CNTNAP5: variants seen among roughly 807,000 people sequenced by gnomAD.
The protein encoded by CNTNAP5 is contactin-associated protein-like 5.
A neutral mutation model predicts 150.2 loss-of-function variants in CNTNAP5; 72 were observed. The observed-to-expected ratio is 0.48, with a 90% CI of 0.40 to 0.58. The LOEUF (loss-of-function observed/expected upper bound fraction) is 0.58, where lower values mean the gene tolerates loss of function less well. Among genes scored for constraint, CNTNAP5 ranks in the 20% least tolerant of loss-of-function variants. CNTNAP5 has a pLI of 0.00. For missense variants in CNTNAP5, 1,636 were observed against 1,626.2 expected (o/e 1.01, Z -0.10); for synonymous variants, 672 against 619.8 (o/e 1.08, Z -1.25).
intron 19 of CNTNAP5, among the ~76,000 whole-genome samples, chr2:124,831,933 A>C (rs1438708314): frequency 6.6e-6 from 1 of 152,084 alleles, no homozygotes; most frequent in South Asian, 2.1e-4. Context: ...TCAAGTGTTT[A>C]CCTAAGTAAG....
intron 3 of CNTNAP5, among the ~76,000 whole-genome samples, chr2:124,400,498 T>A (rs930654847): frequency 2.6e-5 from 4 of 152,154 alleles, no homozygotes; most frequent in Admixed American, 2.6e-4. Flanking sequence ...ATACCTGAGT[T>A]AGCCTCTCCC....
At chr2:124,864,610 ACTT>A (rs2104719476) in intron 19 of CNTNAP5, among the ~76,000 whole-genome samples, 1 of 150,824 alleles carries the variant, frequency 6.6e-6, no homozygotes, top group Non-Finnish European at 1.5e-5. Context: ...GAATTGATAC[ACTT>A]CTATTTTTAA....
chr2:124,482,748 C>G (rs1003378775), intron 7 of CNTNAP5, among the ~76,000 whole-genome samples: 6 of 152,164 alleles, frequency 3.9e-5, no homozygotes, highest in Non-Finnish European at 8.8e-5. Context: ...TGGCTCCCAG[C>G]GGCTCCTGTC....
intron 6 of CNTNAP5, among the ~76,000 whole-genome samples, chr2:124,459,477 G>C (rs1693197610): frequency 6.6e-6 from 1 of 152,224 alleles, no homozygotes; most frequent in Admixed American, 6.5e-5. Context: ...GGCCAGGTGT[G>C]TTGGCTCATG....
At chr2:124,485,888 T>C (rs1693869462) in intron 7 of CNTNAP5, among the ~76,000 whole-genome samples, 1 of 152,062 alleles carries the variant, frequency 6.6e-6, no homozygotes, top group South Asian at 2.1e-4. Context: ...ATTCAGCCAG[T>C]AGACAAAAGA....
intron 11 of CNTNAP5, among the ~76,000 whole-genome samples, chr2:124,608,296 C>T (rs774047278): frequency 6.6e-6 from 1 of 152,212 alleles, no homozygotes; most frequent in Non-Finnish European, 1.5e-5. Context: ...AGACAACATT[C>T]TATATTCTCA....
intron 11 of CNTNAP5, among the ~76,000 whole-genome samples, chr2:124,607,559 G>T (rs1677276369): frequency 6.6e-6 from 1 of 152,198 alleles, no homozygotes; most frequent in Non-Finnish European, 1.5e-5. Context: ...AGCAGAACAT[G>T]AATCCCAGGA....
intron 4 of CNTNAP5, among the ~76,000 whole-genome samples, chr2:124,431,832 G>A (rs2104792191): frequency 6.6e-6 from 1 of 152,002 alleles, no homozygotes; most frequent in Admixed American, 6.6e-5. Context: ...AGGATGGAAA[G>A]TGAGGCCCTT....
At chr2:124,858,850 G>C (rs1244836675) in intron 19 of CNTNAP5, among the ~76,000 whole-genome samples, 1 of 152,106 alleles carries the variant, frequency 6.6e-6, no homozygotes. Flanking sequence ...AAACTGGCTA[G>C]ACATATGAAG....
At chr2:124,068,698 C>T (rs1162223016) in intron 1 of CNTNAP5, among the ~76,000 whole-genome samples, 1 of 151,620 alleles carries the variant, frequency 6.6e-6, no homozygotes, top group East Asian at 2.0e-4. Context: ...AAAGTGACTC[C>T]TTCCTTCTGC....
chr2:124,811,625 G>T (rs895411032), intron 19 of CNTNAP5, among the ~76,000 whole-genome samples: 1 of 147,714 alleles, frequency 6.8e-6, no homozygotes, highest in Admixed American at 7.0e-5. Flanking sequence ...AGGAATGAAT[G>T]AACAATGCAT....
chr2:124,200,520 T>A (rs577061417), intron 1 of CNTNAP5, among the ~76,000 whole-genome samples: 3 of 152,276 alleles, frequency 2.0e-5, no homozygotes, highest in Admixed American at 6.5e-5. Context: ...GCTTTTATTT[T>A]GAATTGTGGT....
At chr2:124,423,531 GTATTTTT>G (rs1026242107) in intron 4 of CNTNAP5, among the ~76,000 whole-genome samples, 3 of 150,136 alleles carry the variant, frequency 2.0e-5, no homozygotes, top group African/African-American at 7.3e-5. Flanking sequence ...TTTATTTTTT[GTATTTTT>G]TAGTAGAGAC....
At chr2:124,082,950 AT>A (rs147705322) in intron 1 of CNTNAP5, among the ~76,000 whole-genome samples, 1,962 of 152,216 alleles carry the variant, frequency 0.013, 44 homozygotes, top group African/African-American at 0.045. Context: ...GTTTGGTGAA[AT>A]TTCTCTTTAT....
intron 21 of CNTNAP5, among the ~76,000 whole-genome samples, chr2:124,900,749 G>A (rs1008317221): frequency 6.6e-6 from 1 of 151,548 alleles, no homozygotes; most frequent in African/African-American, 2.4e-5. Context: ...GAACTACAAT[G>A]ACTTGCCATT....
At chr2:124,493,408 T>C (rs964347715) in intron 7 of CNTNAP5, among the ~76,000 whole-genome samples, 5 of 151,950 alleles carry the variant, frequency 3.3e-5, no homozygotes, top group Non-Finnish European at 5.9e-5. Flanking sequence ...TGGTGTGATC[T>C]CAGCTCACTG....
At chr2:124,647,518 A>G (rs1678227976) in intron 12 of CNTNAP5, among the ~76,000 whole-genome samples, 1 of 152,200 alleles carries the variant, frequency 6.6e-6, no homozygotes, top group African/African-American at 2.4e-5. Flanking sequence ...TCATGGGATT[A>G]AATGCTTACT....
intron 1 of CNTNAP5, among the ~76,000 whole-genome samples, chr2:124,190,343 C>T (rs189085871): frequency 7.9e-5 from 12 of 152,174 alleles, no homozygotes; most frequent in South Asian, 6.2e-4. Flanking sequence ...AATAATGGAT[C>T]GTAGCCAATG....
chr2:124,788,018 C>T (rs1681636133), intron 17 of CNTNAP5, among the ~76,000 whole-genome samples: 1 of 152,212 alleles, frequency 6.6e-6, no homozygotes, highest in African/African-American at 2.4e-5. Flanking sequence ...TCCATTAGTA[C>T]ATCTGGTAGA....
Sources: allele counts gnomAD v4.1 joint callset (sites outside exome capture counted in the v4.1 genomes callset), GRCh38; gene constraint gnomAD v4.1.1; transcripts MANE v1.5; gene names NCBI Gene and HGNC (gene_info 2026-07-23, HGNC 2026-07-21).